FGD5: variants seen among roughly 807,000 people sequenced by gnomAD.
FGD5 encodes FYVE, RhoGEF and PH domain containing 5.
Under a neutral mutation model 133.4 loss-of-function variants are expected in FGD5, and 28 were observed. That is an observed-to-expected ratio of 0.21 (90% CI 0.16 to 0.29). The LOEUF (loss-of-function observed/expected upper bound fraction) is 0.29. Ranked by LOEUF, FGD5 falls within the 10% of genes least tolerant of loss-of-function variation. The pLI, the probability that FGD5 is intolerant of heterozygous loss-of-function variation, is 1.00. For synonymous variants in FGD5, 810 were observed against 776.5 expected, an observed-to-expected ratio of 1.04 and a Z score of -0.72; for missense variants, 1,858 against 1,895.2, an observed-to-expected ratio of 0.98 and a Z score of 0.36.
rs537614247 is a variant in FGD5, at chr3:14,918,175, T to C, written c.3490-579T>C. Among the ~76,000 whole-genome samples, 10 of 152,256 alleles carry C rather than the reference T, an allele frequency of 6.6e-5. No homozygotes were observed. In the South Asian group the frequency reaches 1.9e-3, roughly 28 times the overall value. ...GAACACTTGGGAGCTGTTGGGGACT[T>C]TGAGGAGCAGGAGGTTTTAGGAAGT... On this transcript the variant is annotated intron_variant, in intron 12 of 19. Transcript: ENST00000285046.
At chr3:14,926,266 A>T in intron 18 of FGD5, 68 bp downstream of exon 18, 1 of 1,587,570 alleles carries the variant, frequency 6.3e-7, no homozygotes, top group Non-Finnish European at 8.6e-7. Context: ...GCCTGCACAC[A>T]TCCTGTCACT....
intron 18 of FGD5, among the ~76,000 whole-genome samples, chr3:14,928,599 G>A (rs1403508568): frequency 6.6e-6 from 1 of 152,078 alleles, no homozygotes; most frequent in Non-Finnish European, 1.5e-5. Context: ...ACAAAAATTA[G>A]CCAGGGATGG....
At chr3:14,858,732 A>G (rs1168036107) in intron 1 of FGD5, among the ~76,000 whole-genome samples, 3 of 152,346 alleles carry the variant, frequency 2.0e-5, no homozygotes, top group East Asian at 3.9e-4. Context: ...CTGTTGGCAG[A>G]CTGGGGAGAT....
chr3:14,831,423 G>C (rs779053301), intron 1 of FGD5, among the ~76,000 whole-genome samples: 7 of 152,142 alleles, frequency 4.6e-5, no homozygotes, highest in South Asian at 2.1e-4. Flanking sequence ...GTGTAGAGAG[G>C]CTTGGATTTA....
intron 1 of FGD5, among the ~76,000 whole-genome samples, chr3:14,824,333 T>A (rs1310823981): frequency 6.6e-6 from 1 of 152,164 alleles, no homozygotes; most frequent in Non-Finnish European, 1.5e-5. Context: ...GAATAGGGGC[T>A]TTGAGTACAG....
intron 11 of FGD5, among the ~76,000 whole-genome samples, chr3:14,915,951 A>T (rs187367720): frequency 1.3e-5 from 2 of 151,984 alleles, no homozygotes; most frequent in East Asian, 3.9e-4. Context: ...CATCATTTGT[A>T]CAGGGCTCAC....
In FGD5 at chr3:14,821,753, G is replaced by A. The variant is rs116483232; in HGVS notation, c.2525+157G>A. The A allele has an allele frequency of 2.7e-3, 2,904 of 1,061,092 alleles. 54 individuals are homozygous for A. The African/African-American group carries it at 0.038, about 14-fold the overall frequency. 65.7% of individuals were successfully genotyped at this position (1,061,092 alleles called of 1,614,324 possible). A position where few individuals can be genotyped will look rare whatever the true frequency, so the allele number is the denominator to read the frequency against. On this transcript the variant is annotated intron_variant, in intron 1 of 19. Transcript: ENST00000285046. Reference sequence around the variant, plus strand: ...GAGTGGCTTTATATCTCTGAGCCTCGGTTACTTCATCCGTGAAATGGGACT... The same window carrying A: ...GAGTGGCTTTATATCTCTGAGCCTCAGTTACTTCATCCGTGAAATGGGACT...
chr3:14,827,310 A>G (rs1187330448), intron 1 of FGD5, among the ~76,000 whole-genome samples: 1 of 126,622 alleles, frequency 7.9e-6, no homozygotes, highest in Non-Finnish European at 1.6e-5. Context: ...TTTTTTTGAG[A>G]CGGAGTCTCG....
At chr3:14,888,057 C>T (rs1183847316) in intron 4 of FGD5, among the ~76,000 whole-genome samples, 1 of 151,232 alleles carries the variant, frequency 6.6e-6, no homozygotes, top group African/African-American at 2.4e-5. Flanking sequence ...GTAATCCCAG[C>T]TACTTGGGAG....
chr3:14,873,624 C>T (rs1631793), intron 2 of FGD5, among the ~76,000 whole-genome samples: 21,875 of 152,126 alleles, frequency 0.14, 1,891 homozygotes, highest in East Asian at 0.39. Context: ...CAATCACAGT[C>T]ACTCTCTTAG....
At chr3:14,857,051 C>A (rs1249465794) in intron 1 of FGD5, among the ~76,000 whole-genome samples, 1 of 152,184 alleles carries the variant, frequency 6.6e-6, no homozygotes, top group Non-Finnish European at 1.5e-5. Context: ...TACTTTCCTT[C>A]TGCACCTAAT....
chr3:14,914,785 C>T (rs747961016), intron 11 of FGD5, among the ~76,000 whole-genome samples: 11 of 152,196 alleles, frequency 7.2e-5, no homozygotes, highest in Non-Finnish European at 1.0e-4. Context: ...CTCAGTTTCT[C>T]CCTCTTGGCA....
intron 1 of FGD5, among the ~76,000 whole-genome samples, chr3:14,837,629 G>A (rs957192384): frequency 3.3e-5 from 5 of 151,992 alleles, no homozygotes; most frequent in African/African-American, 4.8e-5. Context: ...CACGGAGAGG[G>A]GGATAGGCTG....
At chr3:14,910,237 C>T (rs1485784511) in intron 10 of FGD5, among the ~76,000 whole-genome samples, 1 of 152,116 alleles carries the variant, frequency 6.6e-6, no homozygotes, top group Admixed American at 6.6e-5. Context: ...CCAGGTGTTC[C>T]TCAATCCAGT....
chr3:14,896,058 C>A (rs2038131586), intron 4 of FGD5, among the ~76,000 whole-genome samples: 2 of 151,994 alleles, frequency 1.3e-5, no homozygotes, highest in African/African-American at 4.8e-5. Flanking sequence ...TATAAAATAC[C>A]TAGGAATCAA....
intron 1 of FGD5, among the ~76,000 whole-genome samples, chr3:14,828,117 A>G (rs2036637653): frequency 6.6e-6 from 1 of 152,156 alleles, no homozygotes; most frequent in Admixed American, 6.5e-5. Flanking sequence ...CAAGGATTGC[A>G]TGGAGTGATG....
intron 1 of FGD5, among the ~76,000 whole-genome samples, chr3:14,831,829 G>A (rs1159214944): frequency 2.6e-5 from 4 of 152,176 alleles, no homozygotes; most frequent in African/African-American, 4.8e-5. Context: ...AAAGGTGCCC[G>A]AACATCAAGG....
chr3:14,922,264 G>A lies in FGD5; in HGVS notation c.3670-147G>A, dbSNP rs6797548. 8,237 of 1,198,746 alleles carry A rather than the reference G, an allele frequency of 6.9e-3. 45 individuals carry two copies. Among genetic ancestry groups the A allele is most frequent in the Middle Eastern group, 0.02 (79 of 3,928 alleles). 74.3% of individuals were successfully genotyped at this position (1,198,746 alleles called of 1,614,324 possible). A position where few individuals can be genotyped will look rare whatever the true frequency, so the allele number is the denominator to read the frequency against. On this transcript the variant is annotated intron_variant, in intron 14 of 19. Transcript: ENST00000285046. This position sits in a 1 kb window ranked among gnomAD's most constrained non-coding sequence, Gnocchi z 4.1. ...CCCAACCAAGGGTGAGCATCCTGGA[G>A]GGTGCAGGAGAGGCCTTTCACATCA...
chr3:14,865,363 T>C (rs2037475338), intron 2 of FGD5, among the ~76,000 whole-genome samples: 1 of 152,160 alleles, frequency 6.6e-6, no homozygotes, highest in South Asian at 2.1e-4. Context: ...AATGGGGATA[T>C]CTCATTTTCT....
Sources: gnomAD v4.1 joint callset for allele counts (sites outside exome capture counted in the v4.1 genomes callset) on GRCh38, gnomAD v4.1.1 for gene constraint, Gnocchi (gnomAD v3.1) non-coding constraint, MANE v1.5 for transcripts, NCBI Gene and HGNC (gene_info 2026-07-23, HGNC 2026-07-21) for gene names.